Variants in CTTNBP2NL observed in about 807,000 individuals in gnomAD.
The protein encoded by CTTNBP2NL is CTTNBP2 N-terminal-like protein.
A neutral mutation model predicts 32.5 loss-of-function variants in CTTNBP2NL; 16 were observed. That is an observed-to-expected ratio of 0.49 (90% confidence interval 0.33 to 0.75). The LOEUF (loss-of-function observed/expected upper bound fraction) is 0.75. Among genes scored for constraint, CTTNBP2NL ranks in the 30% least tolerant of loss-of-function variants. The pLI, the probability that CTTNBP2NL is intolerant of heterozygous loss-of-function variation, is 0.02. For synonymous variants in CTTNBP2NL, 298 were observed against 289.4 expected (o/e 1.03, Z -0.30); for missense variants, 645 against 756.0 (o/e 0.85, Z 1.72).
intron 1 of CTTNBP2NL, among the ~76,000 whole-genome samples, chr1:112,401,108 G>T (rs1200054311): frequency 6.6e-6 from 1 of 151,968 alleles, no homozygotes; most frequent in African/African-American, 2.4e-5. Context: ...GTGAGTTAAA[G>T]AATTTAATAT....
intron 4 of CTTNBP2NL, among the ~76,000 whole-genome samples, chr1:112,449,414 A>T (rs1650155252): frequency 1.2e-5 from 1 of 86,494 alleles, no homozygotes; most frequent in African/African-American, 3.3e-5. Flanking sequence ...TTGATATGTC[A>T]CTCCAAAACA....
chr1:112,448,600 A>G (rs780994682), intron 3 of CTTNBP2NL, among the ~76,000 whole-genome samples: 1 of 152,190 alleles, frequency 6.6e-6, no homozygotes, highest in Non-Finnish European at 1.5e-5. Context: ...TTTAAATCCC[A>G]ATTCAGACAG....
chr1:112,407,831 T>G (rs912742794), intron 1 of CTTNBP2NL, among the ~76,000 whole-genome samples: 1 of 140,892 alleles, frequency 7.1e-6, no homozygotes, highest in African/African-American at 2.7e-5. Context: ...ACGGCTTTCT[T>G]TTTTCTTTCT....
chr1:112,438,790 A>G (rs1175645), intron 3 of CTTNBP2NL, among the ~76,000 whole-genome samples: 134,601 of 152,194 alleles, frequency 0.88, 59,671 homozygotes, highest in East Asian at 1. Context: ...TAGCATGCAC[A>G]ATTTCACCAT....
rs368446914 is a variant in CTTNBP2NL, at chr1:112,408,635, G to T, written c.-133-3559G>T. 1.1e-4 allele frequency among the ~76,000 whole-genome samples: 16 copies of T among 151,856 alleles called. No homozygotes were observed. In the East Asian group the frequency reaches 2.7e-3, roughly 26 times the overall value. On this transcript the variant is annotated intron_variant, in intron 1 of 5. Transcript: ENST00000271277. ...TTTTTTAAAATAGCAGTGCATTTCT[G>T]TTCATATTCAGATTTAGTATTTGTA...
intron 1 of CTTNBP2NL, among the ~76,000 whole-genome samples, chr1:112,400,291 A>C (rs978378252): frequency 1.3e-5 from 2 of 152,218 alleles, no homozygotes; most frequent in East Asian, 3.9e-4. Context: ...CAAGAGAAAA[A>C]TTTTCTGTCT....
Position 112,456,312 on chromosome 1 carries a change from G to A in CTTNBP2NL, c.820G>A (p.Val274Met). 2 of 1,614,054 alleles carry A rather than the reference G, an allele frequency of 1.2e-6. No homozygotes were observed. Among genetic ancestry groups the A allele is most frequent in the Non-Finnish European group, 1.7e-6 (2 of 1,180,030 alleles). The change falls in exon 6 of 6, where the codon GTG becomes ATG. Residue 274 changes from valine (V) to methionine (M), a missense_variant. Transcript: ENST00000271277. ...KEEMESLKKI[V>M]KDLEASHQHS... ...AGAAATGGAAAGTTTAAAGAAGATA[G>A]TGAAGGACCTAGAGGCTTCCCACCA...
intron 2 of CTTNBP2NL, among the ~76,000 whole-genome samples, chr1:112,415,682 G>A (rs572197634): frequency 3.3e-5 from 5 of 151,552 alleles, no homozygotes; most frequent in Non-Finnish European, 7.4e-5. Flanking sequence ...TCAGCCTCCC[G>A]AGTAGCTGGG....
At position 112,430,443 on chromosome 1, in the gene CTTNBP2NL, G is replaced by T. The variant is rs534590414; in HGVS notation, c.99+14179G>T. 2.2e-3 allele frequency among the ~76,000 whole-genome samples: 341 copies of T among 151,742 alleles called. 2 individuals carry two copies. Among genetic ancestry groups the T allele is most frequent in the African/African-American group, 7.8e-3 (321 of 41,334 alleles). On this transcript the variant is annotated intron_variant, in intron 3 of 5. Transcript: ENST00000271277. ...TGTAGAGATGGGGTTTCGCCATTTT[G>T]CCCAGGCTGGTCTCGAACTCCTGAC... is the stretch of plus-strand genomic sequence containing the variant.
At chr1:112,445,446 A>G (rs1272031329) in intron 3 of CTTNBP2NL, among the ~76,000 whole-genome samples, 6 of 152,126 alleles carry the variant, frequency 3.9e-5, no homozygotes, top group Non-Finnish European at 8.8e-5. Flanking sequence ...TGACTGAATC[A>G]TTAAGTTGAT....
intron 3 of CTTNBP2NL, among the ~76,000 whole-genome samples, chr1:112,443,098 C>T (rs1055201414): frequency 5.3e-5 from 8 of 152,192 alleles, no homozygotes; most frequent in Non-Finnish European, 1.0e-4. Context: ...ATTTAGTACA[C>T]TGTAGTCAAA....
intron 2 of CTTNBP2NL, among the ~76,000 whole-genome samples, chr1:112,414,320 C>T (rs1175634): frequency 0.053 from 8,070 of 152,212 alleles, 670 homozygotes; most frequent in African/African-American, 0.18. Context: ...GCCGAAATCA[C>T]CCCACTGCAT....
chr1:112,454,576 T>G lies in CTTNBP2NL; in HGVS notation c.438+20T>G. 2.7e-6 allele frequency: 4 copies of G among 1,498,032 alleles called. No individual in the cohort carries two copies. Among genetic ancestry groups the G allele is most frequent in the Non-Finnish European group, 3.7e-6 (4 of 1,074,308 alleles). 92.8% of individuals were successfully genotyped at this position (1,498,032 alleles called of 1,614,324 possible). On this transcript the variant is annotated intron_variant, in intron 5 of 5. Coordinates refer to ENST00000271277, the MANE Select transcript of CTTNBP2NL (RefSeq NM_018704.3). ...CAACAGGTAATTAAGGTAGAGGGAT[T>G]CACAGTAGCATTTGCCTGGAACAGC...
At chr1:112,426,148 G>A (rs1649391373) in intron 3 of CTTNBP2NL, among the ~76,000 whole-genome samples, 1 of 152,016 alleles carries the variant, frequency 6.6e-6, no homozygotes, top group East Asian at 1.9e-4. Context: ...ATCAGATTAA[G>A]GAAATTTGTA....
rs115871483 is a variant in CTTNBP2NL at position 112,446,131 on chromosome 1, G to A, written c.100-2811G>A. ...AAGTAGTATTTCAGCTGCATAAAGAGATTATTTTTTCTTTTGCTTCTTTTT... is the reference window on the plus strand; with the variant it reads ...AAGTAGTATTTCAGCTGCATAAAGAAATTATTTTTTCTTTTGCTTCTTTTT... On this transcript the variant is annotated intron_variant, in intron 3 of 5. Coordinates refer to ENST00000271277, the MANE Select transcript of CTTNBP2NL (RefSeq NM_018704.3). Among the ~76,000 whole-genome samples the A allele has an allele frequency of 6.3e-3, 947 of 151,402 alleles. 7 individuals carry two copies. The highest frequency in any genetic ancestry group is 0.022 in the African/African-American group (906 of 41,170).
chr1:112,457,763 G>A lies in CTTNBP2NL; in HGVS notation c.*351G>A. The stretch of plus-strand genomic sequence containing the variant: ...TTTGAATTATGCAGAAGTGGTTCAT[G>A]CAGATTTTTATTCCAGATGAACATG... On this transcript the variant is annotated 3_prime_UTR_variant, in exon 6 of 6. Coordinates refer to ENST00000271277, the MANE Select transcript of CTTNBP2NL (RefSeq NM_018704.3). 5.5e-6 allele frequency: 1 copy of A among 180,960 alleles called. No individual in the cohort carries two copies. The highest frequency in any genetic ancestry group is 1.1e-5 in the Non-Finnish European group (1 of 87,142). 11.2% of individuals were successfully genotyped at this position (180,960 alleles called of 1,614,324 possible). A position where few individuals can be genotyped will look rare whatever the true frequency, so the allele number is the denominator to read the frequency against.
chr1:112,448,836 A>G (rs1373844294), intron 3 of CTTNBP2NL, 106 bp from the exon 4 acceptor site: 3 of 664,676 alleles, frequency 4.5e-6, no homozygotes, highest in South Asian at 1.9e-5. Context: ...AGTAGGTTAC[A>G]TTTATACTAA....
chr1:112,440,369 G>A lies in CTTNBP2NL; in HGVS notation c.100-8573G>A, dbSNP rs1337754526. ...TTACTTATCATTTCTGTTAGAATTT[G>A]CATGTTTATCATAGCTTAAATTGTT... On this transcript the variant is annotated intron_variant, in intron 3 of 5. Coordinates refer to ENST00000271277, the MANE Select transcript of CTTNBP2NL (RefSeq NM_018704.3). Among the ~76,000 whole-genome samples, 3 of 152,086 alleles carry A rather than the reference G, an allele frequency of 2.0e-5. No homozygotes were observed. In the East Asian group the frequency reaches 5.8e-4, roughly 29 times the overall value.
At chr1:112,447,210 C>T (rs1247914080) in intron 3 of CTTNBP2NL, among the ~76,000 whole-genome samples, 2 of 144,114 alleles carry the variant, frequency 1.4e-5, no homozygotes, top group East Asian at 4.1e-4. Context: ...AGAGGTGGAG[C>T]TTGCAGTGAG....
Sources: allele counts gnomAD v4.1 joint callset (sites outside exome capture counted in the v4.1 genomes callset), GRCh38; gene constraint gnomAD v4.1.1; transcripts MANE v1.5; gene names NCBI Gene and HGNC (gene_info 2026-07-23, HGNC 2026-07-21).